EDIL3: variants seen among roughly 807,000 people sequenced by gnomAD.
EDIL3 encodes EGF like and discoidin domains 3.
EDIL3 carries 37 observed loss-of-function variants against 67.4 expected under a neutral mutation model. That is an observed-to-expected ratio of 0.55 (90% CI 0.42 to 0.72). The LOEUF (loss-of-function observed/expected upper bound fraction) is 0.72. Among genes scored for constraint, EDIL3 ranks in the 30% least tolerant of loss-of-function variants. The pLI is 0.00. For synonymous variants in EDIL3, 195 were observed against 196.3 expected (o/e 0.99, Z 0.05); for missense variants, 527 against 586.3 (o/e 0.90, Z 1.04).
intron 6 of EDIL3, among the ~76,000 whole-genome samples, chr5:84,071,022 A>G (rs967819129): frequency 6.6e-5 from 10 of 152,166 alleles, no homozygotes; most frequent in Non-Finnish European, 1.5e-4. Context: ...GCCAGTGAGA[A>G]GCAGTGGAAA....
intron 6 of EDIL3, among the ~76,000 whole-genome samples, chr5:84,096,810 C>T (rs921277188): frequency 1.4e-4 from 22 of 152,158 alleles, no homozygotes; most frequent in Non-Finnish European, 8.8e-5. Context: ...ATAATTTCCA[C>T]ATGTGTGGGA....
intron 3 of EDIL3, among the ~76,000 whole-genome samples, chr5:84,189,139 A>G (rs1362759416): frequency 1.3e-5 from 2 of 152,050 alleles, no homozygotes; most frequent in Non-Finnish European, 2.9e-5. Flanking sequence ...AATTAATTTT[A>G]CTTGGTTCTC....
At chr5:84,005,990 C>T (rs1175755681) in intron 9 of EDIL3, among the ~76,000 whole-genome samples, 2 of 151,676 alleles carry the variant, frequency 1.3e-5, no homozygotes, top group Admixed American at 6.6e-5. Context: ...GACACAAAAT[C>T]AATGTACAAA....
intron 1 of EDIL3, among the ~76,000 whole-genome samples, chr5:84,369,835 A>G (rs927799832): frequency 8.5e-5 from 13 of 152,190 alleles, no homozygotes; most frequent in Non-Finnish European, 1.3e-4. Flanking sequence ...ATGGTTAAAC[A>G]TATACTTAAA....
chr5:84,058,227 G>A (rs1026492509), intron 9 of EDIL3, among the ~76,000 whole-genome samples: 3 of 151,946 alleles, frequency 2.0e-5, no homozygotes, highest in African/African-American at 7.2e-5. Context: ...AAACGAACTG[G>A]GGCCAAATCA....
At chr5:84,184,889 T>G (rs557544729) in intron 3 of EDIL3, among the ~76,000 whole-genome samples, 7 of 152,276 alleles carry the variant, frequency 4.6e-5, no homozygotes, top group African/African-American at 1.7e-4. Context: ...TAGAAAAAGA[T>G]TATGTGTTTC....
chr5:84,340,380 C>T (rs1235750295), intron 1 of EDIL3, among the ~76,000 whole-genome samples: 1 of 151,046 alleles, frequency 6.6e-6, no homozygotes, highest in Non-Finnish European at 1.5e-5. Flanking sequence ...GATAATAATC[C>T]ATTTCTTATT....
At chr5:83,986,119 C>CT (rs1745053944) in intron 9 of EDIL3, among the ~76,000 whole-genome samples, 1 of 152,010 alleles carries the variant, frequency 6.6e-6, no homozygotes, top group African/African-American at 2.4e-5. Flanking sequence ...TTCAGCACCA[C>CT]TTTTTTTAAT....
chr5:83,995,676 T>C (rs1745226267), intron 9 of EDIL3, among the ~76,000 whole-genome samples: 1 of 152,210 alleles, frequency 6.6e-6, no homozygotes, highest in Non-Finnish European at 1.5e-5. Flanking sequence ...ATTTGTATGC[T>C]ATCTGTGATC....
chr5:84,098,971 G>A (rs543935485), intron 6 of EDIL3, among the ~76,000 whole-genome samples: 2 of 152,192 alleles, frequency 1.3e-5, no homozygotes, highest in African/African-American at 4.8e-5. Flanking sequence ...GTGAATGGGA[G>A]TTCACTCATG....
At chr5:84,026,832 G>T (rs1185353632) in intron 9 of EDIL3, among the ~76,000 whole-genome samples, 5 of 152,036 alleles carry the variant, frequency 3.3e-5, no homozygotes, top group African/African-American at 1.2e-4. Context: ...AATGTATCTT[G>T]TCCAGCACTT....
intron 1 of EDIL3, among the ~76,000 whole-genome samples, chr5:84,381,913 T>G (rs73146557): frequency 6.6e-6 from 1 of 152,166 alleles, no homozygotes; most frequent in Non-Finnish European, 1.5e-5. Flanking sequence ...TGCAAGTAAA[T>G]TGCAACCCAT....
At chr5:84,078,782 T>C (rs1746910505) in intron 6 of EDIL3, 1 of 152,208 alleles carries the variant, frequency 6.6e-6, no homozygotes, top group Admixed American at 6.5e-5. Context: ...TATTATGCAA[T>C]AGCACAGTTA....
At chr5:84,235,638 T>G (rs1435022851) in intron 2 of EDIL3, among the ~76,000 whole-genome samples, 3 of 152,026 alleles carry the variant, frequency 2.0e-5, no homozygotes, top group Admixed American at 2.0e-4. Flanking sequence ...AGGAACTGAA[T>G]AAATATTTGT....
At chr5:84,144,556 C>A (rs1748260096) in intron 4 of EDIL3, among the ~76,000 whole-genome samples, 1 of 152,140 alleles carries the variant, frequency 6.6e-6, no homozygotes, top group Admixed American at 6.6e-5. Context: ...AGGAGTCTAG[C>A]TGACTAGGGA....
In EDIL3 at chr5:84,055,186, CT is replaced by C. The variant is rs1276907505; in HGVS notation, c.1137+5113del. Among the ~76,000 whole-genome samples, 5 of 146,182 alleles carry C rather than the reference CT, an allele frequency of 3.4e-5. 1 individual carries two copies. The highest frequency in any genetic ancestry group is 7.4e-5 in the Non-Finnish European group (5 of 67,478). On this transcript the variant is annotated intron_variant, in intron 9 of 10. Transcript: ENST00000296591. The stretch of plus-strand genomic sequence containing the variant: ...TACAACTATCTGATCTTTGACAAAC[CT>C]GGCAAAAACAAGAAATGGGGAAAGG...
chr5:84,208,685 C>CAAAAAAAA (rs70975546), intron 3 of EDIL3, among the ~76,000 whole-genome samples: 1 of 59,408 alleles, frequency 1.7e-5, no homozygotes, highest in Non-Finnish European at 2.9e-5. Context: ...GACTCCGTCT[C>CAAAAAAAA]AAAAAAAAAA....
chr5:84,164,168 C>T (rs1748663539), intron 4 of EDIL3, among the ~76,000 whole-genome samples: 1 of 151,808 alleles, frequency 6.6e-6, no homozygotes, highest in African/African-American at 2.4e-5. Flanking sequence ...GCAGTAAAAT[C>T]CCTACATATG....
chr5:84,352,900 T>C (rs1747391787), intron 1 of EDIL3, among the ~76,000 whole-genome samples: 1 of 152,112 alleles, frequency 6.6e-6, no homozygotes, highest in Admixed American at 6.6e-5. Context: ...CTTCTCACCA[T>C]AGGAGATGGC....
Sources: allele counts gnomAD v4.1 joint callset (sites outside exome capture counted in the v4.1 genomes callset), GRCh38; gene constraint gnomAD v4.1.1; transcripts MANE v1.5; gene names NCBI Gene and HGNC (gene_info 2026-07-23, HGNC 2026-07-21).